DNM3: variants seen among roughly 807,000 people sequenced by gnomAD.
DNM3 encodes the protein dynamin 3.
Under a neutral mutation model 101.6 loss-of-function variants are expected in DNM3, and 47 were observed. That is an observed-to-expected ratio of 0.46 (90% CI 0.37 to 0.59). The LOEUF (loss-of-function observed/expected upper bound fraction) is 0.59, where lower values mean the gene tolerates loss of function less well. Ranked by LOEUF, DNM3 falls within the 20% of genes least tolerant of loss-of-function variation. The probability of loss-of-function intolerance (pLI) is 0.00; values close to 1 mark genes in which losing one functional copy is unlikely to be tolerated. For missense variants in DNM3, 849 were observed against 1,085.7 expected, an observed-to-expected ratio of 0.78 and a Z score of 3.06; for synonymous variants, 385 against 387.9, an observed-to-expected ratio of 0.99 and a Z score of 0.09.
At chr1:172,217,392 T>C (rs1043489647) in intron 14 of DNM3, among the ~76,000 whole-genome samples, 1 of 152,140 alleles carries the variant, frequency 6.6e-6, no homozygotes, top group Non-Finnish European at 1.5e-5. Context: ...GCCAACCAAT[T>C]GTGTTCAGTC....
intron 14 of DNM3, among the ~76,000 whole-genome samples, chr1:172,166,761 A>T (rs2058759724): frequency 6.6e-6 from 1 of 152,056 alleles, no homozygotes; most frequent in Admixed American, 6.6e-5. Flanking sequence ...CTGCTAAAAA[A>T]TAGAACTTAC....
At chr1:172,148,790 T>C (rs1214570495) in intron 14 of DNM3, among the ~76,000 whole-genome samples, 1 of 151,058 alleles carries the variant, frequency 6.6e-6, no homozygotes, top group African/African-American at 2.4e-5. Flanking sequence ...TTTTTTTTAA[T>C]TGGAGGCAAT....
intron 18 of DNM3, among the ~76,000 whole-genome samples, chr1:172,380,280 A>G (rs945969743): frequency 2.0e-5 from 3 of 152,076 alleles, no homozygotes; most frequent in Non-Finnish European, 4.4e-5. Context: ...ATTGTAAGAA[A>G]TTAATATGGC....
chr1:172,215,342 G>A (rs1046623143), intron 14 of DNM3, among the ~76,000 whole-genome samples: 22 of 152,092 alleles, frequency 1.4e-4, no homozygotes, highest in Non-Finnish European at 2.9e-4. Flanking sequence ...TTGGTTATAA[G>A]TAGTATGTGC....
chr1:171,957,347 G>A (rs533490098), intron 2 of DNM3, among the ~76,000 whole-genome samples: 62 of 151,790 alleles, frequency 4.1e-4, no homozygotes, highest in Middle Eastern at 3.4e-3. Context: ...ACAGGTGCCC[G>A]CCACCACACT....
intron 2 of DNM3, among the ~76,000 whole-genome samples, chr1:171,961,582 C>T (rs925669900): frequency 2.0e-5 from 3 of 152,142 alleles, no homozygotes; most frequent in Non-Finnish European, 2.9e-5. Context: ...TAATATAATA[C>T]AGCAATTCTA....
intron 2 of DNM3, among the ~76,000 whole-genome samples, chr1:171,969,598 C>A (rs1269393263): frequency 6.6e-6 from 1 of 152,088 alleles, no homozygotes; most frequent in Non-Finnish European, 1.5e-5. Flanking sequence ...AATTGCATTT[C>A]TTTGATAAAG....
chr1:172,341,947 A>G (rs1177761915), intron 17 of DNM3, among the ~76,000 whole-genome samples: 1 of 152,232 alleles, frequency 6.6e-6, no homozygotes, highest in African/African-American at 2.4e-5. Flanking sequence ...CACAAAGGAC[A>G]CACACAGACA....
intron 14 of DNM3, among the ~76,000 whole-genome samples, chr1:172,168,480 G>GCT (rs1195405306): frequency 1.3e-5 from 2 of 151,978 alleles, no homozygotes; most frequent in Non-Finnish European, 2.9e-5. Flanking sequence ...ATTGAGAACA[G>GCT]CTCTCTGGAA....
chr1:172,336,098 G>A (rs2066415180), intron 17 of DNM3, among the ~76,000 whole-genome samples: 1 of 152,126 alleles, frequency 6.6e-6, no homozygotes, highest in South Asian at 2.1e-4. Flanking sequence ...TATCTAGTGG[G>A]TATAGGCCAG....
chr1:172,185,273 C>A (rs145885441), intron 14 of DNM3, among the ~76,000 whole-genome samples: 1 of 152,216 alleles, frequency 6.6e-6, no homozygotes, highest in Non-Finnish European at 1.5e-5. Flanking sequence ...TGCATTTAGA[C>A]TGTTTACTTT....
At position 172,151,316 on chromosome 1, in the gene DNM3, A is replaced by G. The variant is rs774366384; in HGVS notation, c.1659+20028A>G. Among the ~76,000 whole-genome samples, 43 of 152,328 alleles carry G rather than the reference A, an allele frequency of 2.8e-4. 1 individual carries two copies. Among genetic ancestry groups the G allele is most frequent in the Non-Finnish European group, 2.8e-4 (19 of 68,020 alleles). On this transcript the variant is annotated intron_variant, in intron 14 of 20. Transcript: ENST00000627582. ...TTCATAGCAATAGTTAAAGGTTAAC[A>G]TGGAAATACTGGGTAAGAAATACCT... is the stretch of plus-strand genomic sequence containing the variant.
Position 171,841,773 on chromosome 1 carries a change from C to T in DNM3, c.117C>T (p.Gly39=). The change falls in exon 1 of 21, where the codon GGC becomes GGT. Residue 39 remains glycine (G), a synonymous_variant. Coordinates refer to ENST00000627582, the MANE Select transcript of DNM3 (RefSeq NM_015569.5). ...TGCCGCAGATCGCCGTGGTGGGCGG[C>T]CAGAGCGCCGGCAAGAGCTCGGTGC... The part of the protein sequence containing the change: ...LELPQIAVVG[G]QSAGKSSVLE... 1 of 1,610,310 alleles carries T rather than the reference C, an allele frequency of 6.2e-7. No individual in the cohort carries two copies. The highest frequency in any genetic ancestry group is 8.5e-7 in the Non-Finnish European group (1 of 1,179,272).
At chr1:172,370,997 G>A (rs2068292212) in intron 17 of DNM3, among the ~76,000 whole-genome samples, 1 of 151,940 alleles carries the variant, frequency 6.6e-6, no homozygotes, top group African/African-American at 2.4e-5. Context: ...GTTTGTATCT[G>A]TGGGTTTGAC....
At chr1:172,130,562 G>T (rs1457247768) in intron 13 of DNM3, among the ~76,000 whole-genome samples, 1 of 152,054 alleles carries the variant, frequency 6.6e-6, no homozygotes, top group African/African-American at 2.4e-5. Flanking sequence ...AACTTCATAG[G>T]TTTAAAATTT....
intron 13 of DNM3, among the ~76,000 whole-genome samples, chr1:172,100,348 T>A (rs2054548251): frequency 6.6e-6 from 1 of 152,192 alleles, no homozygotes; most frequent in Non-Finnish European, 1.5e-5. Flanking sequence ...TTTCATAGGA[T>A]CTCTCACAGG....
At chr1:172,046,561 TA>T (rs1012865845) in intron 9 of DNM3, among the ~76,000 whole-genome samples, 5 of 140,322 alleles carry the variant, frequency 3.6e-5, no homozygotes, top group African/African-American at 5.6e-5. Context: ...ATAATAATAA[TA>T]AAAAAAAGAA....
At chr1:172,113,970 C>T (rs754479468) in intron 13 of DNM3, among the ~76,000 whole-genome samples, 4 of 152,174 alleles carry the variant, frequency 2.6e-5, no homozygotes, top group Non-Finnish European at 5.9e-5. Flanking sequence ...CGATGCCAGA[C>T]ACTCTTCTGG....
At chr1:172,358,361 T>C (rs1194125245) in intron 17 of DNM3, among the ~76,000 whole-genome samples, 1 of 152,096 alleles carries the variant, frequency 6.6e-6, no homozygotes, top group Non-Finnish European at 1.5e-5. Context: ...GAATAAGGTA[T>C]GTCAAACACC....
Sources: gnomAD v4.1 joint callset for allele counts (sites outside exome capture counted in the v4.1 genomes callset) on GRCh38, gnomAD v4.1.1 for gene constraint, MANE v1.5 for transcripts, NCBI Gene and HGNC (gene_info 2026-07-23, HGNC 2026-07-21) for gene names.